TGFA: variants seen among roughly 807,000 people sequenced by gnomAD.
TGFA encodes protransforming growth factor alpha.
A neutral mutation model predicts 21.7 loss-of-function variants in TGFA; 12 were observed. That is an observed-to-expected ratio of 0.55 (90% confidence interval 0.35 to 0.90). The LOEUF (loss-of-function observed/expected upper bound fraction) is 0.90. TGFA is among the 40% of genes least tolerant of loss of function. The pLI is 0.01. For missense variants in TGFA, 178 were observed against 210.8 expected (o/e 0.84, Z 0.96); for synonymous variants, 79 against 88.1 (o/e 0.90, Z 0.58).
chr2:70,517,007 T>G (rs1553501669), intron 1 of TGFA, among the ~76,000 whole-genome samples: 1 of 152,160 alleles, frequency 6.6e-6, no homozygotes, highest in Admixed American at 6.5e-5. Context: ...AAGCAAACAC[T>G]GTACAGCTGA....
At chr2:70,466,585 A>G (rs1670572778) in intron 2 of TGFA, among the ~76,000 whole-genome samples, 1 of 152,166 alleles carries the variant, frequency 6.6e-6, no homozygotes, top group Admixed American at 6.5e-5. Context: ...GACATGAAGG[A>G]GTCTGGGAAG....
At chr2:70,520,643 C>T (rs1553502110) in intron 1 of TGFA, among the ~76,000 whole-genome samples, 1 of 152,100 alleles carries the variant, frequency 6.6e-6, no homozygotes. Context: ...ATGTTCAAGT[C>T]ACGTGGGACA....
At chr2:70,521,298 C>A (rs911542740) in intron 1 of TGFA, among the ~76,000 whole-genome samples, 3 of 152,152 alleles carry the variant, frequency 2.0e-5, no homozygotes, top group Non-Finnish European at 2.9e-5. Context: ...CCATTCCCTC[C>A]TGTCAGGTCC....
intron 2 of TGFA, among the ~76,000 whole-genome samples, chr2:70,505,517 G>A (rs1671896300): frequency 6.6e-6 from 1 of 152,062 alleles, no homozygotes; most frequent in South Asian, 2.1e-4. Flanking sequence ...AGATTTCATA[G>A]CAATACCCGA....
intron 1 of TGFA, among the ~76,000 whole-genome samples, chr2:70,539,853 C>A (rs1673087129): frequency 6.6e-6 from 1 of 152,152 alleles, no homozygotes; most frequent in Non-Finnish European, 1.5e-5. Flanking sequence ...GTTCCTTTTT[C>A]ATTCTCTAGT....
In TGFA at chr2:70,447,750, A is replaced by ACTT. The variant is rs782652351; in HGVS notation, c.*3106_*3108dup. 6.6e-6 allele frequency: 1 copy of ACTT among 152,186 alleles called. No homozygotes were observed. Among genetic ancestry groups the ACTT allele is most frequent in the Non-Finnish European group, 1.5e-5 (1 of 68,038 alleles). The allele number at this position is 152,186 out of a possible 1,614,324, so 9.4% of individuals were successfully genotyped here. A position where few individuals can be genotyped will look rare whatever the true frequency, so the allele number is the denominator to read the frequency against. ...ATTTAAAAATATACATGTTTGTCTT[A>ACTT]CTTCTGCAATGTGTTCTTGGTTTTG... On this transcript the variant is annotated 3_prime_UTR_variant, in exon 6 of 6. Coordinates refer to ENST00000295400, the MANE Select transcript of TGFA (RefSeq NM_003236.4).
At chr2:70,508,515 C>T (rs1441846414) in intron 2 of TGFA, among the ~76,000 whole-genome samples, 1 of 152,128 alleles carries the variant, frequency 6.6e-6, no homozygotes, top group African/African-American at 2.4e-5. Context: ...ATTTATGGCA[C>T]TTACTCTGCA....
At chr2:70,478,417 A>G (rs1391159555) in intron 2 of TGFA, among the ~76,000 whole-genome samples, 2 of 152,178 alleles carry the variant, frequency 1.3e-5, no homozygotes. Flanking sequence ...TCTTCTTGAC[A>G]TAGAAGATGG....
intron 3 of TGFA, among the ~76,000 whole-genome samples, chr2:70,463,125 T>G (rs1397646601): frequency 6.6e-6 from 1 of 152,148 alleles, no homozygotes; most frequent in Non-Finnish European, 1.5e-5. Flanking sequence ...TTACTAGCTC[T>G]GGGACTCTGG....
At chr2:70,452,858 A>T (rs1670101132) in intron 5 of TGFA, among the ~76,000 whole-genome samples, 1 of 152,082 alleles carries the variant, frequency 6.6e-6, no homozygotes, top group Admixed American at 6.6e-5. Flanking sequence ...CAGGAGAATC[A>T]CTTGAAACTG....
In TGFA at chr2:70,486,486, CTTTT is replaced by C. The variant is rs61448010; in HGVS notation, c.95-20754_95-20751del. On this transcript the variant is annotated intron_variant, in intron 2 of 5. Coordinates refer to ENST00000295400, the MANE Select transcript of TGFA (RefSeq NM_003236.4). ...TTGTTTGTTTGTTGTTGTTGTTTGTCTTTTTTTTTGAGACAGGGTCTCACTTTGT... is the reference window on the plus strand; with the variant it reads ...TTGTTTGTTTGTTGTTGTTGTTTGTCTTTTTGAGACAGGGTCTCACTTTGT... Among the ~76,000 whole-genome samples, 828 of 151,364 alleles carry C rather than the reference CTTTT, an allele frequency of 5.5e-3. 7 individuals are homozygous for C. The highest frequency in any genetic ancestry group is 9.7e-3 in the Non-Finnish European group (660 of 67,730).
chr2:70,467,645 C>G (rs1050567645), intron 2 of TGFA: 3 of 144,870 alleles, frequency 2.1e-5, no homozygotes, highest in Non-Finnish European at 3.1e-5. Context: ...GTGAGTCTTG[C>G]CCACTTAGTT....
At chr2:70,552,191 G>A (rs925903970) in intron 1 of TGFA, among the ~76,000 whole-genome samples, 1 of 140,402 alleles carries the variant, frequency 7.1e-6, no homozygotes, top group African/African-American at 2.6e-5. Context: ...TGTGGACCCT[G>A]TGTGCTTTAC....
chr2:70,537,469 A>T (rs782593981), intron 1 of TGFA, among the ~76,000 whole-genome samples: 3 of 152,232 alleles, frequency 2.0e-5, no homozygotes, highest in Non-Finnish European at 4.4e-5. Context: ...TGCTCCAAAC[A>T]ATTAGCTAAC....
chr2:70,550,051 C>G (rs1009715759), intron 1 of TGFA, among the ~76,000 whole-genome samples: 5 of 152,228 alleles, frequency 3.3e-5, no homozygotes, highest in Admixed American at 1.3e-4. Context: ...AAAGAAACGT[C>G]TTCTTTCAGT....
At chr2:70,501,672 CT>C (rs1671742410) in intron 2 of TGFA, among the ~76,000 whole-genome samples, 1 of 152,164 alleles carries the variant, frequency 6.6e-6, no homozygotes, top group Non-Finnish European at 1.5e-5. Context: ...ACTCAAATAG[CT>C]CTAGTTCCCC....
In TGFA at chr2:70,491,995, A is replaced by G. The variant is rs556689094; in HGVS notation, c.94+22864T>C. On this transcript the variant is annotated intron_variant, in intron 2 of 5. Coordinates refer to ENST00000295400, the MANE Select transcript of TGFA (RefSeq NM_003236.4). ...TATTAACTTAGCTCTTTCCTTGTGCAGGAATACTTGGCTAGATGCTGCAGA... is the reference window on the plus strand; with the variant it reads ...TATTAACTTAGCTCTTTCCTTGTGCGGGAATACTTGGCTAGATGCTGCAGA... Among the ~76,000 whole-genome samples the G allele has an allele frequency of 8.5e-5, 13 of 152,372 alleles. No individual in the cohort carries two copies. The South Asian group carries it at 2.3e-3, about 27-fold the overall frequency.
At chr2:70,490,718 C>T (rs1553497443) in intron 2 of TGFA, among the ~76,000 whole-genome samples, 2 of 152,196 alleles carry the variant, frequency 1.3e-5, no homozygotes, top group African/African-American at 4.8e-5. Flanking sequence ...CCTTATTTTG[C>T]TTTCAACTCA....
chr2:70,471,507 A>G (rs1047574620), intron 2 of TGFA, among the ~76,000 whole-genome samples: 18 of 152,194 alleles, frequency 1.2e-4, no homozygotes, highest in Non-Finnish European at 2.2e-4. Context: ...CCAACAAGTG[A>G]GGGCGGAGTA....
Sources: allele counts gnomAD v4.1 joint callset (sites outside exome capture counted in the v4.1 genomes callset), GRCh38; gene constraint gnomAD v4.1.1; transcripts MANE v1.5; gene names NCBI Gene and HGNC (gene_info 2026-07-23, HGNC 2026-07-21).